Variants in PCDH11X observed in about 807,000 individuals in gnomAD.
PCDH11X encodes protocadherin-11 X-linked.
Under a neutral mutation model 53.3 loss-of-function variants are expected in PCDH11X, and 18 were observed. That is an observed-to-expected ratio of 0.34 (90% CI 0.23 to 0.50). The LOEUF is 0.50. PCDH11X is among the 20% of genes least tolerant of loss of function. PCDH11X has a pLI of 0.98. For missense variants in PCDH11X, 570 were observed against 1,032.4 expected, an observed-to-expected ratio of 0.55 and a Z score of 6.14; for synonymous variants, 279 against 393.3, an observed-to-expected ratio of 0.71 and a Z score of 3.44.
At chrX:92,277,736 C>T (rs996503375) in intron 8 of PCDH11X, among the ~76,000 whole-genome samples, 21 of 109,435 alleles carry the variant, frequency 1.9e-4, no homozygotes, top group Admixed American at 1.2e-3. Context: ...GGGATTGGGG[C>T]GCAGAGATAC....
intron 10 of PCDH11X, among the ~76,000 whole-genome samples, chrX:92,566,485 C>G (rs989765727): frequency 3.6e-5 from 4 of 110,096 alleles, no homozygotes; most frequent in Non-Finnish European, 7.6e-5. Flanking sequence ...TGTACATACA[C>G]ATCTGTCTAA....
In PCDH11X at chrX:92,359,818, C is replaced by T. The variant is rs749441762; in HGVS notation, c.3145-27917C>T. On this transcript the variant is annotated intron_variant, in intron 8 of 10. Transcript: ENST00000682573. ...TAGTTTATTCCACTGTGGGTAGAAG[C>T]ATTTGATGCTTCTGTTAACTTTATA... is the stretch of plus-strand genomic sequence containing the variant. Among the ~76,000 whole-genome samples, 91 of 110,622 alleles carry T rather than the reference C, an allele frequency of 8.2e-4. No individual in the cohort carries two copies. The Middle Eastern group carries it at 0.014, about 17-fold the overall frequency.
chrX:91,791,981 C>A (rs1340438694), intron 1 of PCDH11X, among the ~76,000 whole-genome samples: 1 of 108,251 alleles, frequency 9.2e-6, no homozygotes, highest in Non-Finnish European at 1.9e-5. Flanking sequence ...CCTGCCTCAG[C>A]CTCCCGAGTA....
At chrX:91,945,818 C>T (rs1232883290) in intron 6 of PCDH11X, among the ~76,000 whole-genome samples, 1 of 110,403 alleles carries the variant, frequency 9.1e-6, no homozygotes, top group Non-Finnish European at 1.9e-5. Context: ...GAAATTGCTG[C>T]ATGTTTCCAA....
intron 6 of PCDH11X, among the ~76,000 whole-genome samples, chrX:92,167,261 G>T (rs2065751018): frequency 9.0e-6 from 1 of 111,454 alleles, no homozygotes; most frequent in African/African-American, 3.3e-5. Flanking sequence ...TTTAAAAATA[G>T]ACATTGAAAG....
chrX:92,492,201 T>C, intron 10 of PCDH11X, among the ~76,000 whole-genome samples: 1 of 112,214 alleles, frequency 8.9e-6, no homozygotes, highest in Non-Finnish European at 1.9e-5. Flanking sequence ...TTATTATTTT[T>C]TGTGCTAATT....
chrX:92,176,505 C>T (rs905349627), intron 6 of PCDH11X, among the ~76,000 whole-genome samples: 3 of 111,869 alleles, frequency 2.7e-5, no homozygotes, highest in Non-Finnish European at 5.6e-5. Context: ...ATTCAACATG[C>T]GAAACATTTG....
chrX:92,215,322 A>T (rs745998528), intron 7 of PCDH11X, among the ~76,000 whole-genome samples: 1 of 107,581 alleles, frequency 9.3e-6, no homozygotes, highest in South Asian at 4.2e-4. Flanking sequence ...GACAGAAGGC[A>T]CCTGGAAAAT....
At chrX:91,838,344 C>A (rs1188140629) in intron 5 of PCDH11X, among the ~76,000 whole-genome samples, 2 of 111,775 alleles carry the variant, frequency 1.8e-5, no homozygotes, top group Admixed American at 9.6e-5. Flanking sequence ...AAATTTCTTT[C>A]TGTTTTAGAA....
At chrX:91,903,749 T>TA (rs1343943653) in intron 6 of PCDH11X, among the ~76,000 whole-genome samples, 45 of 108,571 alleles carry the variant, frequency 4.1e-4, no homozygotes, top group African/African-American at 1.4e-3. Context: ...GATGATTAAT[T>TA]AAAAATTATA....
intron 6 of PCDH11X, among the ~76,000 whole-genome samples, chrX:92,097,436 G>T (rs751279801): frequency 3.7e-5 from 4 of 108,196 alleles, no homozygotes; most frequent in South Asian, 4.0e-4. Context: ...AATTGAAAAA[G>T]TTCTCAGGAA....
chrX:92,260,389 G>C (rs940567701), intron 7 of PCDH11X, among the ~76,000 whole-genome samples: 6 of 110,451 alleles, frequency 5.4e-5, no homozygotes, highest in Non-Finnish European at 1.1e-4. Context: ...CACTGAGTTC[G>C]GTGCCTCACA....
intron 6 of PCDH11X, among the ~76,000 whole-genome samples, chrX:91,965,214 A>G (rs931510506): frequency 1.8e-5 from 2 of 109,157 alleles, no homozygotes; most frequent in Non-Finnish European, 3.8e-5. Flanking sequence ...ATGCATGAGA[A>G]AGCTGAATAT....
intron 10 of PCDH11X, among the ~76,000 whole-genome samples, chrX:92,514,908 G>T (rs938646512): frequency 1.9e-5 from 2 of 105,842 alleles, no homozygotes; most frequent in African/African-American, 6.9e-5. Flanking sequence ...TTAGCCAGGC[G>T]TGGTGGCGGG....
intron 6 of PCDH11X, among the ~76,000 whole-genome samples, chrX:92,197,110 G>A (rs1163520536): frequency 9.0e-6 from 1 of 111,435 alleles, no homozygotes; most frequent in African/African-American, 3.3e-5. Context: ...AGACTGTAGA[G>A]CCAGACGTAG....
chrX:92,091,854 T>G (rs776140956), intron 6 of PCDH11X, among the ~76,000 whole-genome samples: 240 of 111,145 alleles, frequency 2.2e-3, no homozygotes, highest in Non-Finnish European at 3.8e-3. Context: ...CAATAAGACC[T>G]AAAAGAGTGC....
intron 9 of PCDH11X, among the ~76,000 whole-genome samples, chrX:92,399,043 A>G (rs901276377): frequency 9.2e-6 from 1 of 108,248 alleles, no homozygotes; most frequent in Non-Finnish European, 1.9e-5. Context: ...AATATAAAAA[A>G]TTAGCCGGTC....
chrX:92,119,105 T>C (rs1471267857), intron 6 of PCDH11X, among the ~76,000 whole-genome samples: 2 of 109,420 alleles, frequency 1.8e-5, no homozygotes, highest in Non-Finnish European at 3.8e-5. Flanking sequence ...AATTTTTTAA[T>C]TAATTTATTT....
At chrX:92,293,330 A>G (rs940199514) in intron 8 of PCDH11X, among the ~76,000 whole-genome samples, 2 of 110,812 alleles carry the variant, frequency 1.8e-5, no homozygotes, top group African/African-American at 6.6e-5. Flanking sequence ...TATAACATAG[A>G]ACTAAAGCTG....
Sources: gnomAD v4.1 joint callset for allele counts (sites outside exome capture counted in the v4.1 genomes callset) on GRCh38, gnomAD v4.1.1 for gene constraint, MANE v1.5 for transcripts, NCBI Gene and HGNC (gene_info 2026-07-23, HGNC 2026-07-21) for gene names.